OR6J1: variants seen among roughly 807,000 people sequenced by gnomAD.
The protein encoded by OR6J1 is olfactory receptor 6J1.
For synonymous variants in OR6J1, 109 were observed against 70.0 expected, an observed-to-expected ratio of 1.56 and a Z score of -2.78; for missense variants, 304 against 166.8, an observed-to-expected ratio of 1.82 and a Z score of -4.53.
Position 22,633,578 on chromosome 14 carries a change from G to A in OR6J1, c.*190C>T. 1.7e-6 allele frequency: 1 copy of A among 575,288 alleles called. No homozygotes were observed. Among genetic ancestry groups the A allele is most frequent in the Non-Finnish European group, 3.1e-6 (1 of 325,986 alleles). 35.6% of individuals were successfully genotyped at this position (575,288 alleles called of 1,614,324 possible). ...GTGGATGGGGCTTAGAGATCATCAAGTCCAGCCCTGTTGCACTTCAGCTGA... is the reference window on the plus strand; with the variant it reads ...GTGGATGGGGCTTAGAGATCATCAAATCCAGCCCTGTTGCACTTCAGCTGA... On this transcript the variant is annotated 3_prime_UTR_variant, in exon 2 of 2. Transcript: ENST00000540461.
At chr14:22,637,687 G>A (rs1384387333) in intron 1 of OR6J1, among the ~76,000 whole-genome samples, 3 of 77,900 alleles carry the variant, frequency 3.9e-5, no homozygotes, top group South Asian at 4.1e-4. Flanking sequence ...GGAGGTGGGG[G>A]GGGTCAGCCC....
In OR6J1 at chr14:22,643,686, A is replaced by G. The variant is rs2037667441; in HGVS notation, c.-28+412T>C. 3.4e-5 allele frequency among the ~76,000 whole-genome samples: 5 copies of G among 147,296 alleles called. No homozygotes were observed. In the South Asian group the frequency reaches 1.1e-3, roughly 32 times the overall value. On this transcript the variant is annotated intron_variant, in intron 1 of 1. Coordinates refer to ENST00000540461, the MANE Select transcript of OR6J1 (RefSeq NM_001348233.2). Reference sequence around the variant, plus strand: ...CAGGAGAAAAGGCCACAGCCCCAAGAAGAAGCCCTGACCCCTGGCATGGCA... The same window carrying G: ...CAGGAGAAAAGGCCACAGCCCCAAGGAGAAGCCCTGACCCCTGGCATGGCA...
rs80037767 is a variant in OR6J1, at chr14:22,638,028, T to A, written c.-27-3190A>T. Among the ~76,000 whole-genome samples, 6 of 99,758 alleles carry A rather than the reference T, an allele frequency of 6.0e-5. 1 individual carries two copies. The highest frequency in any genetic ancestry group is 3.0e-4 in the African/African-American group (5 of 16,646). The allele number at this position is 99,758 out of a possible 152,430, so 65.4% of individuals were successfully genotyped here. On this transcript the variant is annotated intron_variant, in intron 1 of 1. Transcript: ENST00000540461. ...CCAGCCGCCCCGTCCGGGAGGATGG[T>A]GGGGGGGTCAGCCCCCCGCCTGGCC...
chr14:22,637,079 G>C (rs1448710684), intron 1 of OR6J1, among the ~76,000 whole-genome samples: 1 of 120,994 alleles, frequency 8.3e-6, no homozygotes. Flanking sequence ...TGTCTGGGAT[G>C]TGAGGAGCGC....
At position 22,636,827 on chromosome 14, in the gene OR6J1, A is replaced by G. The variant is rs1217658836; in HGVS notation, c.-27-1989T>C. 2.5e-4 allele frequency among the ~76,000 whole-genome samples: 29 copies of G among 116,454 alleles called. 1 individual carries two copies. Among genetic ancestry groups the G allele is most frequent in the African/African-American group, 6.9e-4 (14 of 20,340 alleles). 76.4% of individuals were successfully genotyped at this position (116,454 alleles called of 152,430 possible). A position where few individuals can be genotyped will look rare whatever the true frequency, so the allele number is the denominator to read the frequency against. ...AGTGCCGAGATTGCAGCCTCTGCCC[A>G]GCCGCCACCCCGTCTGGGAAGTGAG... is the stretch of plus-strand genomic sequence containing the variant. On this transcript the variant is annotated intron_variant, in intron 1 of 1. Coordinates refer to ENST00000540461, the MANE Select transcript of OR6J1 (RefSeq NM_001348233.2).
chr14:22,634,737 C>T lies in OR6J1; in HGVS notation c.75G>A (p.Leu25=). The stretch of plus-strand genomic sequence containing the variant: ...ACGTGGGCAGCAGGAGCACCAGGAG[C>T]AGCAGCTCCACCTCCCTGCTCAGGG... ...GFSLSREVEL[L]LLVLLLPTFL... is the part of the protein sequence containing the mutation. The change falls in exon 2 of 2, where the codon CTG becomes CTA. Residue 25 remains leucine (L), a synonymous_variant. Coordinates refer to ENST00000540461, the MANE Select transcript of OR6J1 (RefSeq NM_001348233.2). The T allele has an allele frequency of 2.8e-6, 2 of 708,394 alleles. No individual in the cohort carries two copies. The highest frequency in any genetic ancestry group is 2.9e-5 in the South Asian group (2 of 67,954). The allele number at this position is 708,394 out of a possible 1,614,324, so 43.9% of individuals were successfully genotyped here. A position where few individuals can be genotyped will look rare whatever the true frequency, so the allele number is the denominator to read the frequency against.
chr14:22,638,061 C>G (rs2037608766), intron 1 of OR6J1, among the ~76,000 whole-genome samples: 1 of 107,326 alleles, frequency 9.3e-6, no homozygotes, highest in African/African-American at 5.4e-5. Context: ...GCCAGCCGCC[C>G]CATCCGGGAG....
Position 22,633,616 on chromosome 14 carries a change from T to A in OR6J1, c.*152A>T, listed in dbSNP as rs141704329. On this transcript the variant is annotated 3_prime_UTR_variant, in exon 2 of 2. Coordinates refer to ENST00000540461, the MANE Select transcript of OR6J1 (RefSeq NM_001348233.2). ...GCACTTCAGCTGAGAGTACTGAGAGTCAGAATGGCTGGTGACACAGCTGCG... is the reference window on the plus strand; with the variant it reads ...GCACTTCAGCTGAGAGTACTGAGAGACAGAATGGCTGGTGACACAGCTGCG... 1 of 590,378 alleles carries A rather than the reference T, an allele frequency of 1.7e-6. No individual in the cohort carries two copies. Among genetic ancestry groups the A allele is most frequent in the African/African-American group, 1.9e-5 (1 of 53,730 alleles). The allele number at this position is 590,378 out of a possible 1,614,324, so 36.6% of individuals were successfully genotyped here.
intron 1 of OR6J1, among the ~76,000 whole-genome samples, chr14:22,643,762 C>CAG (rs71421136): frequency 0.02 from 1,062 of 52,920 alleles, 8 homozygotes; most frequent in Admixed American, 0.034. Context: ...CACACACACA[C>CAG]ACAGAGAGAG....
At chr14:22,639,020 G>A (rs571039614) in intron 1 of OR6J1, among the ~76,000 whole-genome samples, 3 of 105,026 alleles carry the variant, frequency 2.9e-5, no homozygotes, top group Middle Eastern at 4.7e-3. Context: ...CCGAGACCCC[G>A]TCTGGGAGGT....
At chr14:22,641,859 C>T (rs528460226) in intron 1 of OR6J1, among the ~76,000 whole-genome samples, 1 of 152,214 alleles carries the variant, frequency 6.6e-6, no homozygotes, top group East Asian at 1.9e-4. Context: ...GGAAAGCAAA[C>T]CAACTACCAG....
intron 1 of OR6J1, among the ~76,000 whole-genome samples, chr14:22,636,955 A>G (rs1185523718): frequency 8.3e-6 from 1 of 120,058 alleles, no homozygotes; most frequent in Non-Finnish European, 1.7e-5. Context: ...CCGCCATCCC[A>G]TCTAGGAAGC....
intron 1 of OR6J1, among the ~76,000 whole-genome samples, chr14:22,637,679 A>G (rs1167375535): frequency 5.4e-5 from 3 of 55,446 alleles, no homozygotes; most frequent in African/African-American, 1.0e-4. Context: ...TCCGGGAGGG[A>G]GGTGGGGGGG....
intron 1 of OR6J1, among the ~76,000 whole-genome samples, chr14:22,639,235 G>A (rs533711082): frequency 9.0e-6 from 1 of 111,208 alleles, no homozygotes; most frequent in Non-Finnish European, 1.7e-5. Flanking sequence ...GGGAGGTGGT[G>A]GGGGGTCAGC....
chr14:22,640,163 A>G (rs1339250184), intron 1 of OR6J1, among the ~76,000 whole-genome samples: 2 of 138,454 alleles, frequency 1.4e-5, no homozygotes, highest in African/African-American at 5.2e-5. Context: ...ACAAACAAGA[A>G]TATGTATAGG....
chr14:22,641,210 T>TAAAGA (rs1163938326), intron 1 of OR6J1, among the ~76,000 whole-genome samples: 6,044 of 122,476 alleles, frequency 0.049, 659 homozygotes, highest in African/African-American at 0.067. Flanking sequence ...GAGAGAAAGA[T>TAAAGA]AAGAAAGAAA....
At position 22,631,489 on chromosome 14, in the gene OR6J1, A is replaced by G. The variant is rs2037546232; in HGVS notation, c.*2279T>C. On this transcript the variant is annotated 3_prime_UTR_variant, in exon 2 of 2. Coordinates refer to ENST00000540461, the MANE Select transcript of OR6J1 (RefSeq NM_001348233.2). ...AATATGGCTCTGTTCCCCCCGGCTC[A>G]CCAGCGGTCAGAGTTTAAGGTTGTC... The G allele has an allele frequency of 6.6e-6, 1 of 152,174 alleles. No homozygotes were observed. Among genetic ancestry groups the G allele is most frequent in the Admixed American group, 6.5e-5 (1 of 15,276 alleles). The allele number at this position is 152,174 out of a possible 1,614,324, so 9.4% of individuals were successfully genotyped here. A position where few individuals can be genotyped will look rare whatever the true frequency, so the allele number is the denominator to read the frequency against.
In OR6J1 at chr14:22,637,022, C is replaced by T. The variant is rs1220452419; in HGVS notation, c.-27-2184G>A. 3.2e-5 allele frequency among the ~76,000 whole-genome samples: 4 copies of T among 125,656 alleles called. 1 individual carries two copies. The highest frequency in any genetic ancestry group is 2.0e-4 in the East Asian group (1 of 4,886). 82.4% of individuals were successfully genotyped at this position (125,656 alleles called of 152,430 possible). A position where few individuals can be genotyped will look rare whatever the true frequency, so the allele number is the denominator to read the frequency against. On this transcript the variant is annotated intron_variant, in intron 1 of 1. Transcript: ENST00000540461. ...CTAGGAAGTGAGGAGCGTCTCTGCCCGGCCGCCCATGTCTGAGATGTGGGG... is the reference window on the plus strand; with the variant it reads ...CTAGGAAGTGAGGAGCGTCTCTGCCTGGCCGCCCATGTCTGAGATGTGGGG...
At chr14:22,640,623 T>C (rs1241777248) in intron 1 of OR6J1, among the ~76,000 whole-genome samples, 2 of 148,738 alleles carry the variant, frequency 1.3e-5, no homozygotes, top group Non-Finnish European at 3.0e-5. Flanking sequence ...CTCCCAAGAA[T>C]CTGGGATCAC....
Sources: gnomAD v4.1 joint callset for allele counts (sites outside exome capture counted in the v4.1 genomes callset) on GRCh38, gnomAD v4.1.1 for gene constraint, MANE v1.5 for transcripts, NCBI Gene and HGNC (gene_info 2026-07-23, HGNC 2026-07-21) for gene names.